Variants in DMXL2 observed in about 807,000 individuals in gnomAD.
DMXL2 encodes dmX-like protein 2.
DMXL2 carries 103 observed loss-of-function variants against 331.1 expected under a neutral mutation model. The ratio of observed to expected loss-of-function variants is 0.31; its 90% CI spans 0.27 to 0.37. DMXL2 has a LOEUF of 0.37. Ranked by LOEUF, DMXL2 falls within the 10% of genes least tolerant of loss-of-function variation. The probability of loss-of-function intolerance (pLI) is 1.00; values close to 1 mark genes in which losing one functional copy is unlikely to be tolerated. For synonymous variants in DMXL2, 1,281 were observed against 1,252.1 expected (o/e 1.02, Z -0.49); for missense variants, 3,171 against 3,642.9 (o/e 0.87, Z 3.33).
In DMXL2 at chr15:51,536,590, AT is replaced by A. The variant is rs2048301324; in HGVS notation, c.1889del (p.Asp630ValfsTer9). ...SLNQWAVTFA[D>X]KSAFTTVLTV... ...TTAGAACAGTGGTAAAGGCAGACTT[AT>A]CAGCAAAAGTGACTGCCCACTGATT... On this transcript the variant is annotated frameshift_variant, in exon 12 of 44. Coordinates refer to ENST00000560891, the MANE Select transcript of DMXL2 (RefSeq NM_001378457.1). LOFTEE classifies it high-confidence loss of function. 6.2e-7 allele frequency: 1 copy of A among 1,613,990 alleles called. No homozygotes were observed. Among genetic ancestry groups the A allele is most frequent in the Non-Finnish European group, 8.5e-7 (1 of 1,179,994 alleles).
intron 1 of DMXL2, among the ~76,000 whole-genome samples, chr15:51,595,384 AAGG>A (rs1418650991): frequency 2.0e-5 from 3 of 152,244 alleles, no homozygotes; most frequent in African/African-American, 7.2e-5. Flanking sequence ...GGACCTCTTC[AAGG>A]AGAACTACAA....
chr15:51,490,047 A>G (rs375126757), intron 20 of DMXL2, among the ~76,000 whole-genome samples: 1 of 152,238 alleles, frequency 6.6e-6, no homozygotes, highest in East Asian at 1.9e-4. Flanking sequence ...TTTAATGTAG[A>G]AACTGTATCA....
chr15:51,518,856 C>T (rs2047183166), intron 13 of DMXL2, among the ~76,000 whole-genome samples: 1 of 152,142 alleles, frequency 6.6e-6, no homozygotes, highest in African/African-American at 2.4e-5. Context: ...GAATCTCACT[C>T]AACATCACCT....
At chr15:51,466,721 C>T (rs182915479) in intron 29 of DMXL2, among the ~76,000 whole-genome samples, 102 of 151,990 alleles carry the variant, frequency 6.7e-4, no homozygotes, top group African/African-American at 2.3e-3. Context: ...AAGGGAAGGA[C>T]TGAAATGTGT....
chr15:51,453,517 T>C (rs779560213), intron 41 of DMXL2, 33 bp downstream of exon 41: 1 of 1,520,264 alleles, frequency 6.6e-7, no homozygotes, highest in South Asian at 1.2e-5. Context: ...CTAACGTTTT[T>C]ATATTTCTTA....
In DMXL2 at chr15:51,474,606, T is replaced by G; in HGVS notation, c.6965-14A>C. The G allele has an allele frequency of 1.3e-6, 2 of 1,584,074 alleles. No individual in the cohort carries two copies. Among genetic ancestry groups the G allele is most frequent in the Non-Finnish European group, 1.7e-6 (2 of 1,162,780 alleles). ...GTGAGCTCACACCTATAAGGGTATA[T>G]AAAATCATAAGACGTATGTCAGGAT... On this transcript the variant is annotated splice_polypyrimidine_tract_variant and intron_variant, in intron 27 of 43. Transcript: ENST00000560891.
intron 17 of DMXL2, among the ~76,000 whole-genome samples, chr15:51,501,038 C>T (rs555734647): frequency 7.9e-5 from 12 of 152,192 alleles, no homozygotes; most frequent in Admixed American, 6.5e-4. Flanking sequence ...TTTTATAAGG[C>T]GTCTGTAAAA....
At chr15:51,593,123 T>C (rs1000097918) in intron 1 of DMXL2, among the ~76,000 whole-genome samples, 4 of 152,044 alleles carry the variant, frequency 2.6e-5, no homozygotes, top group African/African-American at 7.3e-5. Flanking sequence ...GACTGGCAAA[T>C]TGGATAAAGA....
intron 1 of DMXL2, among the ~76,000 whole-genome samples, chr15:51,579,210 T>C (rs976827445): frequency 6.6e-6 from 1 of 152,210 alleles, no homozygotes; most frequent in Non-Finnish European, 1.5e-5. Flanking sequence ...TTATGTCTGG[T>C]GCTAGTTTCC....
chr15:51,547,125 G>A (rs1239669975), intron 7 of DMXL2, 105 bp downstream of exon 7: 1 of 997,564 alleles, frequency 1.0e-6, no homozygotes, highest in African/African-American at 1.7e-5. Context: ...TGATGCCAGA[G>A]CCTATGCTAT....
At chr15:51,608,150 A>T (rs1444263771) in intron 1 of DMXL2, among the ~76,000 whole-genome samples, 2 of 151,696 alleles carry the variant, frequency 1.3e-5, no homozygotes, top group Non-Finnish European at 2.9e-5. Flanking sequence ...ACACCACTAC[A>T]CTCCAGCCTG....
chr15:51,537,617 T>C lies in DMXL2; in HGVS notation c.1488A>G (p.Glu496=), dbSNP rs2048355820. The C allele has an allele frequency of 1.2e-6, 2 of 1,613,772 alleles. No homozygotes were observed. The highest frequency in any genetic ancestry group is 8.5e-7 in the Non-Finnish European group (1 of 1,179,880). ...LPTVLLDRKI[E]TLLTEWNKNP... ...TCTTATTCCATTCAGTTAGCAGCGT[T>C]TCAATCTTCCGATCAAGCAGAACCG... Residue 496 remains glutamate (E), a synonymous_variant, in exon 11 of 44, where the codon GAA becomes GAG. Transcript: ENST00000560891.
chr15:51,544,522 A>G (rs2048787439), intron 8 of DMXL2, among the ~76,000 whole-genome samples: 1 of 152,182 alleles, frequency 6.6e-6, no homozygotes. Flanking sequence ...ATAGCAGTGC[A>G]AGAATGGCCC....
At chr15:51,543,296 C>G (rs2048707417) in intron 8 of DMXL2, among the ~76,000 whole-genome samples, 1 of 152,092 alleles carries the variant, frequency 6.6e-6, no homozygotes, top group South Asian at 2.1e-4. Context: ...CCTTTGTTCC[C>G]CACATTCAAT....
In DMXL2 at chr15:51,502,946, C is replaced by A. The variant is rs752221975; in HGVS notation, c.2852G>T (p.Ser951Ile). 1.2e-6 allele frequency: 2 copies of A among 1,613,944 alleles called. No homozygotes were observed. Among genetic ancestry groups the A allele is most frequent in the Non-Finnish European group, 1.7e-6 (2 of 1,179,964 alleles). ...TGAAGAATGTGGCATGGGGCTCACACTAGGAGAGGTTTCTGGAGAAGAATC... is the reference window on the plus strand; with the variant it reads ...TGAAGAATGTGGCATGGGGCTCACAATAGGAGAGGTTTCTGGAGAAGAATC... ...NVDSSPETSP[S>I]VSPMPHSSSI... is the part of the protein sequence containing the mutation. Residue 951 changes from serine (S) to isoleucine (I), a missense_variant, in exon 17 of 44, where the codon AGT becomes ATT. Ser to Ile is a moderately radical substitution (Grantham distance 142). Transcript: ENST00000560891.
chr15:51,486,067 TC>T lies in DMXL2; in HGVS notation c.5482+5del. ...AGAAAAAAAAGAAATCCACAAAACG[TC>T]CTACCTTGATGTTCATCATCCTCCT... On this transcript the variant is annotated splice_donor_5th_base_variant and intron_variant, in intron 23 of 43. Transcript: ENST00000560891. 6.4e-7 allele frequency: 1 copy of T among 1,573,556 alleles called. No homozygotes were observed. The highest frequency in any genetic ancestry group is 1.7e-4 in the Middle Eastern group (1 of 5,878).
At position 51,538,369 on chromosome 15, in the gene DMXL2, C is replaced by T; in HGVS notation, c.1189G>A (p.Glu397Lys). 1 of 1,613,614 alleles carries T rather than the reference C, an allele frequency of 6.2e-7. No homozygotes were observed. The highest frequency in any genetic ancestry group is 8.5e-7 in the Non-Finnish European group (1 of 1,179,674). ...GFVVHWLNNK[E>K]FHFTSSTEVF... ...TCTGTAGATGATGTAAAATGAAATT[C>T]CTTGTTGTTTAACCAATGAACTACA... The change falls in exon 10 of 44, where the codon GAA becomes AAA. Residue 397 changes from glutamate (E) to lysine (K), a missense_variant. Transcript: ENST00000560891.
chr15:51,605,760 G>A (rs1335630082), intron 1 of DMXL2, among the ~76,000 whole-genome samples: 1 of 106,320 alleles, frequency 9.4e-6, no homozygotes, highest in Non-Finnish European at 2.1e-5. Flanking sequence ...AGCCAGGATG[G>A]TCTCGATCTC....
At chr15:51,560,708 A>T (rs1231453075) in intron 6 of DMXL2, among the ~76,000 whole-genome samples, 3 of 150,892 alleles carry the variant, frequency 2.0e-5, no homozygotes, top group Non-Finnish European at 4.4e-5. Context: ...AAAAACACAA[A>T]CTCTGTTAAG....
Sources: gnomAD v4.1 joint callset for allele counts (sites outside exome capture counted in the v4.1 genomes callset) on GRCh38, gnomAD v4.1.1 for gene constraint, MANE v1.5 for transcripts, NCBI Gene and HGNC (gene_info 2026-07-23, HGNC 2026-07-21) for gene names.